SRFBP1: variants seen among roughly 807,000 people sequenced by gnomAD.
SRFBP1 encodes serum response factor-binding protein 1.
SRFBP1 carries 47 observed loss-of-function variants against 45.5 expected under a neutral mutation model. The ratio of observed to expected loss-of-function variants is 1.03; its 90% CI spans 0.82 to 1.32. The LOEUF (loss-of-function observed/expected upper bound fraction) is 1.32, where lower values mean the gene tolerates loss of function less well. Ranked by LOEUF, SRFBP1 falls within the 40% of genes most tolerant of loss-of-function variation. The probability of loss-of-function intolerance (pLI) is 0.00; values close to 1 mark genes in which losing one functional copy is unlikely to be tolerated. For synonymous variants in SRFBP1, 203 were observed against 166.3 expected (o/e 1.22, Z -1.70); for missense variants, 621 against 484.6 (o/e 1.28, Z -2.64).
chr5:122,016,022 G>A (rs1420893925), intron 4 of SRFBP1, among the ~76,000 whole-genome samples: 1 of 152,156 alleles, frequency 6.6e-6, no homozygotes, highest in Non-Finnish European at 1.5e-5. Context: ...GTGACTGTGA[G>A]TCATGTACTG....
chr5:122,005,774 G>T (rs1482556614), intron 4 of SRFBP1, among the ~76,000 whole-genome samples: 2 of 151,858 alleles, frequency 1.3e-5, no homozygotes, highest in Non-Finnish European at 2.9e-5. Flanking sequence ...ATTTTCCCTA[G>T]TGGCTACTTT....
At chr5:121,995,659 A>C (rs1752708738) in intron 4 of SRFBP1, among the ~76,000 whole-genome samples, 2 of 152,276 alleles carry the variant, frequency 1.3e-5, no homozygotes, top group East Asian at 1.9e-4. Context: ...AAATAACTAA[A>C]ATCAGAGCAG....
At position 122,027,002 on chromosome 5, in the gene SRFBP1, T is replaced by C. The variant is rs368710032; in HGVS notation, c.1166T>C (p.Leu389Pro). 1 of 1,613,034 alleles carries C rather than the reference T, an allele frequency of 6.2e-7. No individual in the cohort carries two copies. The highest frequency in any genetic ancestry group is 1.3e-5 in the African/African-American group (1 of 74,678). ...TTTAATAAGAAGCTATCAGGAAGACTTGAAAATACAAAACAGCAATTGCAG... is the reference window on the plus strand; with the variant it reads ...TTTAATAAGAAGCTATCAGGAAGACCTGAAAATACAAAACAGCAATTGCAG... ...NQFNKKLSGRLENTKQQLQLP... is the reference protein window; with the variant it reads ...NQFNKKLSGRPENTKQQLQLP... The change falls in exon 8 of 8, where the codon CTT becomes CCT. Residue 389 changes from leucine (L) to proline (P), a missense_variant. Transcript: ENST00000339397.
chr5:121,988,086 T>G (rs1330784194), intron 3 of SRFBP1, among the ~76,000 whole-genome samples: 1 of 152,176 alleles, frequency 6.6e-6, no homozygotes, highest in African/African-American at 2.4e-5. Flanking sequence ...CTAGAATAAT[T>G]CTGATGGATC....
intron 2 of SRFBP1, among the ~76,000 whole-genome samples, chr5:122,047,846 T>G (rs1157445131): frequency 6.6e-6 from 1 of 152,174 alleles, no homozygotes; most frequent in East Asian, 1.9e-4. Flanking sequence ...TGGCTCTGTT[T>G]GTCTGTTATT....
At chr5:122,050,437 T>C (rs1014517581) in intron 2 of SRFBP1, among the ~76,000 whole-genome samples, 14 of 152,186 alleles carry the variant, frequency 9.2e-5, no homozygotes, top group African/African-American at 3.4e-4. Context: ...ATTGGTCTAT[T>C]CAGGGATTCA....
intron 2 of SRFBP1, among the ~76,000 whole-genome samples, chr5:122,046,733 G>A (rs1258450020): frequency 3.3e-5 from 5 of 152,102 alleles, no homozygotes; most frequent in Non-Finnish European, 4.4e-5. Flanking sequence ...TTTAATGTTC[G>A]CCATTCTAAC....
intron 2 of SRFBP1, among the ~76,000 whole-genome samples, chr5:122,055,950 G>A (rs1029323807): frequency 6.6e-6 from 1 of 152,052 alleles, no homozygotes; most frequent in Non-Finnish European, 1.5e-5. Context: ...GTTTTGTTTT[G>A]TTTATGCCTT....
intron 2 of SRFBP1, among the ~76,000 whole-genome samples, chr5:122,047,924 A>G (rs1753895308): frequency 6.6e-6 from 1 of 152,186 alleles, no homozygotes; most frequent in Non-Finnish European, 1.5e-5. Context: ...GAAGTTGCTT[A>G]TCAGCTTAAG....
intron 2 of SRFBP1, among the ~76,000 whole-genome samples, chr5:122,051,144 A>G (rs1753965887): frequency 6.6e-6 from 1 of 151,894 alleles, no homozygotes; most frequent in South Asian, 2.1e-4. Flanking sequence ...GTCTTTTTTA[A>G]TTTGCTGAGT....
intron 3 of SRFBP1, among the ~76,000 whole-genome samples, chr5:121,986,052 G>A (rs1752511642): frequency 6.6e-6 from 1 of 151,800 alleles, no homozygotes; most frequent in South Asian, 2.1e-4. Context: ...AAATCAGTGA[G>A]GTATTATTAG....
intron 4 of SRFBP1, among the ~76,000 whole-genome samples, chr5:121,997,773 A>G (rs1470226366): frequency 2.0e-5 from 3 of 151,840 alleles, no homozygotes; most frequent in Admixed American, 6.6e-5. Flanking sequence ...TCATCTGACA[A>G]AGGGCTAATA....
chr5:122,074,258 A>G, intron 2 of SRFBP1: 1 of 1,174,716 alleles, frequency 8.5e-7, no homozygotes, highest in Non-Finnish European at 1.2e-6. Flanking sequence ...TGGCTTCACA[A>G]ATTTGTTTTC....
At chr5:122,074,297 C>T (rs746709153) in intron 2 of SRFBP1, 9 of 719,142 alleles carry the variant, frequency 1.3e-5, no homozygotes, top group African/African-American at 1.8e-5. Context: ...AATTTATCTT[C>T]TAAAAGAGAG....
intron 7 of SRFBP1, among the ~76,000 whole-genome samples, chr5:122,022,999 A>G (rs972148863): frequency 1.8e-4 from 28 of 152,328 alleles, no homozygotes; most frequent in Non-Finnish European, 4.0e-4. Context: ...TTCCTCCTCC[A>G]GGTTCCAAAT....
At chr5:122,002,686 AGAATATTGC>A (rs1257883086) in intron 4 of SRFBP1, among the ~76,000 whole-genome samples, 18 of 152,212 alleles carry the variant, frequency 1.2e-4, no homozygotes, top group Non-Finnish European at 1.0e-4. Context: ...CAAAGTGTTG[AGAATATTGC>A]GAATATTGAG....
At chr5:122,013,425 T>G (rs1321472575) in intron 4 of SRFBP1, among the ~76,000 whole-genome samples, 1 of 152,124 alleles carries the variant, frequency 6.6e-6, no homozygotes, top group African/African-American at 2.4e-5. Flanking sequence ...AAGACATTTT[T>G]GTTAAAAAAT....
intron 3 of SRFBP1, among the ~76,000 whole-genome samples, chr5:121,978,513 A>T (rs1330569240): frequency 6.6e-6 from 1 of 151,972 alleles, no homozygotes; most frequent in Non-Finnish European, 1.5e-5. Flanking sequence ...TTTACTTGAG[A>T]TGGAGTCTCT....
intron 2 of SRFBP1, among the ~76,000 whole-genome samples, chr5:122,039,959 T>A (rs548574799): frequency 1.3e-5 from 2 of 152,296 alleles, no homozygotes; most frequent in African/African-American, 4.8e-5. Flanking sequence ...TTTGCTTATC[T>A]CTTTATCTGA....
Sources: gnomAD v4.1 joint callset for allele counts (sites outside exome capture counted in the v4.1 genomes callset) on GRCh38, gnomAD v4.1.1 for gene constraint, MANE v1.5 for transcripts, NCBI Gene and HGNC (gene_info 2026-07-23, HGNC 2026-07-21) for gene names.